Variants in ACTR3 observed in about 807,000 individuals in gnomAD.
ACTR3 encodes the protein actin related protein 3.
A neutral mutation model predicts 56.8 loss-of-function variants in ACTR3; 12 were observed. The ratio of observed to expected loss-of-function variants is 0.21; its 90% CI spans 0.14 to 0.34. ACTR3 has a LOEUF of 0.34. Ranked by LOEUF, ACTR3 falls within the 10% of genes least tolerant of loss-of-function variation. The pLI, the probability that ACTR3 is intolerant of heterozygous loss-of-function variation, is 1.00. For missense variants in ACTR3, 282 were observed against 512.5 expected, an observed-to-expected ratio of 0.55 and a Z score of 4.34; for synonymous variants, 162 against 167.4, an observed-to-expected ratio of 0.97 and a Z score of 0.25.
chr2:113,960,489 A>T lies in ACTR3; in HGVS notation c.*3034A>T, dbSNP rs1177470313. 6.6e-6 allele frequency: 1 copy of T among 152,076 alleles called. No individual in the cohort carries two copies. The highest frequency in any genetic ancestry group is 1.9e-4 in the East Asian group (1 of 5,204). 9.4% of individuals were successfully genotyped at this position (152,076 alleles called of 1,614,324 possible). On this transcript the variant is annotated 3_prime_UTR_variant, in exon 12 of 12. Transcript: ENST00000263238. ...TTATTTTTAATTTCTACAGAAAAGT[A>T]CTAGAGAATATATCTATAGAAACTT...
At position 113,961,575 on chromosome 2, in the gene ACTR3, A is replaced by G. The variant is rs1243673423; in HGVS notation, c.*4120A>G. 3 of 152,004 alleles carry G rather than the reference A, an allele frequency of 2.0e-5. 1 individual carries two copies. The highest frequency in any genetic ancestry group is 7.2e-5 in the African/African-American group (3 of 41,426). The allele number at this position is 152,004 out of a possible 1,614,324, so 9.4% of individuals were successfully genotyped here. Reference sequence around the variant, plus strand: ...TAAAATAAAGTTTCTCTTTTATTCAAGCACCAACATTCACTTATATTACCT... The same window carrying G: ...TAAAATAAAGTTTCTCTTTTATTCAGGCACCAACATTCACTTATATTACCT... On this transcript the variant is annotated 3_prime_UTR_variant, in exon 12 of 12. Coordinates refer to ENST00000263238, the MANE Select transcript of ACTR3 (RefSeq NM_005721.5).
chr2:113,923,314 G>A (rs1679545242), intron 3 of ACTR3, among the ~76,000 whole-genome samples: 1 of 128,450 alleles, frequency 7.8e-6, no homozygotes, highest in South Asian at 2.6e-4. Context: ...TCCTAACATG[G>A]AATATTTGTT....
intron 1 of ACTR3, among the ~76,000 whole-genome samples, chr2:113,892,298 C>G (rs143480312): frequency 3.1e-4 from 47 of 152,312 alleles, no homozygotes; most frequent in African/African-American, 1.1e-3. Flanking sequence ...TAGGCTATTT[C>G]TGTTTTAAAA....
At chr2:113,918,957 A>G (rs1679457258) in intron 3 of ACTR3, among the ~76,000 whole-genome samples, 1 of 152,216 alleles carries the variant, frequency 6.6e-6, no homozygotes, top group African/African-American at 2.4e-5. Context: ...ACACACAGAC[A>G]TTTAACTTTT....
chr2:113,956,309 A>G (rs1680212775), intron 11 of ACTR3, among the ~76,000 whole-genome samples: 1 of 151,850 alleles, frequency 6.6e-6, no homozygotes, highest in Admixed American at 6.6e-5. Context: ...GAAACTTTGT[A>G]TATATGTGTT....
intron 9 of ACTR3, 38 bp from the exon 10 acceptor site, chr2:113,951,682 T>A (rs1305171176): frequency 6.7e-7 from 1 of 1,496,082 alleles, no homozygotes; most frequent in Non-Finnish European, 9.0e-7. Flanking sequence ...TTTAAACTTT[T>A]CTCTTTTTAA....
chr2:113,937,028 A>G (rs1347105241), intron 6 of ACTR3, among the ~76,000 whole-genome samples: 1 of 152,170 alleles, frequency 6.6e-6, no homozygotes, highest in African/African-American at 2.4e-5. Flanking sequence ...ACGTTCTGAG[A>G]TAGAGCTTAG....
At chr2:113,951,095 A>G (rs1680113479) in intron 8 of ACTR3, 1 of 161,822 alleles carries the variant, frequency 6.2e-6, no homozygotes, top group South Asian at 1.7e-4. Context: ...TTATGGGAGT[A>G]CAATTCAAGA....
intron 3 of ACTR3, among the ~76,000 whole-genome samples, chr2:113,920,569 A>G (rs1679489031): frequency 6.6e-6 from 1 of 152,216 alleles, no homozygotes; most frequent in Non-Finnish European, 1.5e-5. Flanking sequence ...ATATAGTGCT[A>G]TAGAACACTA....
At chr2:113,938,265 A>G (rs1268596977) in intron 6 of ACTR3, among the ~76,000 whole-genome samples, 1 of 151,882 alleles carries the variant, frequency 6.6e-6, no homozygotes, top group African/African-American at 2.4e-5. Flanking sequence ...TATGGAGTAT[A>G]TAGTTGCTGT....
chr2:113,893,375 C>T (rs1574345229), intron 1 of ACTR3, among the ~76,000 whole-genome samples: 1 of 152,024 alleles, frequency 6.6e-6, no homozygotes, highest in Non-Finnish European at 1.5e-5. Flanking sequence ...CTCACTGCAA[C>T]CTCCACCTCC....
intron 11 of ACTR3, among the ~76,000 whole-genome samples, chr2:113,956,840 A>G (rs533085723): frequency 6.6e-6 from 1 of 152,200 alleles, no homozygotes; most frequent in Non-Finnish European, 1.5e-5. Flanking sequence ...GGGCCATATA[A>G]CCTAGTTGAG....
chr2:113,902,146 C>A (rs552023130), intron 1 of ACTR3, among the ~76,000 whole-genome samples: 105 of 152,262 alleles, frequency 6.9e-4, no homozygotes, highest in African/African-American at 2.4e-3. Flanking sequence ...ATCCACTTCC[C>A]CTTTCCTCAG....
At chr2:113,925,560 C>G (rs1679604946) in intron 3 of ACTR3, among the ~76,000 whole-genome samples, 1 of 152,146 alleles carries the variant, frequency 6.6e-6, no homozygotes, top group Admixed American at 6.5e-5. Flanking sequence ...TTTTGCTAGA[C>G]TGAGTTTTTT....
rs550489246 is a variant in ACTR3 at position 113,917,048 on chromosome 2, A to T, written c.225+40A>T. On this transcript the variant is annotated intron_variant, in intron 3 of 11. Transcript: ENST00000263238. Reference sequence around the variant, plus strand: ...TTTGTATAAATAACATTTTCAAAAAATAGTTTGTTCGATGCTTGTGCCCTC... The same window carrying T: ...TTTGTATAAATAACATTTTCAAAAATTAGTTTGTTCGATGCTTGTGCCCTC... 2.6e-6 allele frequency: 4 copies of T among 1,546,864 alleles called. No homozygotes were observed. In the East Asian group the frequency reaches 9.3e-5, roughly 36 times the overall value.
At position 113,957,743 on chromosome 2, in the gene ACTR3, C is replaced by A. The variant is rs1170782095; in HGVS notation, c.*288C>A. Reference sequence around the variant, plus strand: ...GATATTTTGTATATTAATGAATTATCCAAGATTCGATGGGATTTATCAGTG... The same window carrying A: ...GATATTTTGTATATTAATGAATTATACAAGATTCGATGGGATTTATCAGTG... On this transcript the variant is annotated 3_prime_UTR_variant, in exon 12 of 12. Transcript: ENST00000263238. 6.4e-6 allele frequency: 2 copies of A among 311,768 alleles called. No individual in the cohort carries two copies. The highest frequency in any genetic ancestry group is 1.2e-5 in the Non-Finnish European group (2 of 164,774). The allele number at this position is 311,768 out of a possible 1,614,324, so 19.3% of individuals were successfully genotyped here. A position where few individuals can be genotyped will look rare whatever the true frequency, so the allele number is the denominator to read the frequency against.
rs548288498 is a variant in ACTR3 at position 113,962,221 on chromosome 2, C to T, written c.*4766C>T. The T allele has an allele frequency of 6.6e-6, 1 of 152,022 alleles. No homozygotes were observed. Among genetic ancestry groups the T allele is most frequent in the East Asian group, 1.9e-4 (1 of 5,170 alleles). The allele number at this position is 152,022 out of a possible 1,614,324, so 9.4% of individuals were successfully genotyped here. Reference sequence around the variant, plus strand: ...AGGTAGTGGGGGATTACTAAGTGATCATGACTTTTCTGAAGCAGGTCTTAA... The same window carrying T: ...AGGTAGTGGGGGATTACTAAGTGATTATGACTTTTCTGAAGCAGGTCTTAA... On this transcript the variant is annotated 3_prime_UTR_variant, in exon 12 of 12. Coordinates refer to ENST00000263238, the MANE Select transcript of ACTR3 (RefSeq NM_005721.5).
chr2:113,940,009 A>T lies in ACTR3; in HGVS notation c.591A>T (p.Gly197=). ...GSCIKHIPIA[G]RDITYFIQQL... is the part of the protein sequence containing the mutation. Reference sequence around the variant, plus strand: ...GTATTAAACACATTCCAATCGCAGGACGAGATATAACATATTTTATTCAGC... The same window carrying T: ...GTATTAAACACATTCCAATCGCAGGTCGAGATATAACATATTTTATTCAGC... The change falls in exon 7 of 12, where the codon GGA becomes GGT. Residue 197 remains glycine (G), a synonymous_variant. Transcript: ENST00000263238. 6.2e-7 allele frequency: 1 copy of T among 1,613,322 alleles called. No homozygotes were observed. Among genetic ancestry groups the T allele is most frequent in the Non-Finnish European group, 8.5e-7 (1 of 1,179,526 alleles).
In ACTR3 at chr2:113,957,616, C is replaced by T. The variant is rs985240736; in HGVS notation, c.*161C>T. The stretch of plus-strand genomic sequence containing the variant: ...ATATTTTAATAAGTGTATCACCATG[C>T]AGATGTAGAAGAGAGCGAAAGTGAT... On this transcript the variant is annotated 3_prime_UTR_variant, in exon 12 of 12. Coordinates refer to ENST00000263238, the MANE Select transcript of ACTR3 (RefSeq NM_005721.5). The T allele has an allele frequency of 1.9e-6, 1 of 538,882 alleles. No homozygotes were observed. The highest frequency in any genetic ancestry group is 3.3e-6 in the Non-Finnish European group (1 of 298,620). The allele number at this position is 538,882 out of a possible 1,614,324, so 33.4% of individuals were successfully genotyped here.
Sources: allele counts gnomAD v4.1 joint callset (sites outside exome capture counted in the v4.1 genomes callset), GRCh38; gene constraint gnomAD v4.1.1; transcripts MANE v1.5; gene names NCBI Gene and HGNC (gene_info 2026-07-23, HGNC 2026-07-21).